Variants in TCF25 observed in about 807,000 individuals in gnomAD.
TCF25 encodes ribosome quality control complex subunit TCF25.
Under a neutral mutation model 83.1 loss-of-function variants are expected in TCF25, and 41 were observed. That is an observed-to-expected ratio of 0.49 (90% CI 0.38 to 0.64). The LOEUF is 0.64. Ranked by LOEUF, TCF25 falls within the 30% of genes least tolerant of loss-of-function variation. The pLI is 0.00. For synonymous variants in TCF25, 458 were observed against 365.0 expected, an observed-to-expected ratio of 1.25 and a Z score of -2.90; for missense variants, 979 against 914.5, an observed-to-expected ratio of 1.07 and a Z score of -0.91.
chr16:89,887,530 A>G (rs2043109871), intron 4 of TCF25, 122 bp from the exon 5 acceptor site: 2 of 853,576 alleles, frequency 2.3e-6, no homozygotes, highest in Middle Eastern at 3.2e-4. Context: ...AAAGGCCTGG[A>G]AGCTGCCTTT....
intron 7 of TCF25, 85 bp from the exon 8 acceptor site, chr16:89,894,953 T>C: frequency 7.8e-7 from 1 of 1,288,712 alleles, no homozygotes; most frequent in Non-Finnish European, 1.1e-6. Context: ...CCTCCGCTGG[T>C]TTTAAATGTC....
At chr16:89,905,408 G>C (rs1314328482) in intron 14 of TCF25, among the ~76,000 whole-genome samples, 6 of 152,236 alleles carry the variant, frequency 3.9e-5, no homozygotes, top group African/African-American at 1.4e-4. Context: ...TCTCACAGCA[G>C]CATCTTGGGA....
At chr16:89,892,741 G>A (rs1185298809) in intron 6 of TCF25, among the ~76,000 whole-genome samples, 1 of 152,380 alleles carries the variant, frequency 6.6e-6, no homozygotes, top group East Asian at 1.9e-4. Context: ...GGCATGGAGT[G>A]TTGGGTGCTT....
chr16:89,904,709 T>C lies in TCF25; in HGVS notation c.1470-229T>C, dbSNP rs767636914. The stretch of plus-strand genomic sequence containing the variant: ...CCCTGGGTGCATTTTCACATTTCTG[T>C]GACGTCAGTCCTGCTTCCTAAAGAA... On this transcript the variant is annotated intron_variant, in intron 13 of 17. Coordinates refer to ENST00000263346, the MANE Select transcript of TCF25 (RefSeq NM_014972.3). 6.0e-6 allele frequency: 4 copies of C among 668,914 alleles called. No homozygotes were observed. In the South Asian group the frequency reaches 6.2e-5, roughly 10 times the overall value. 41.4% of individuals were successfully genotyped at this position (668,914 alleles called of 1,614,324 possible). A position where few individuals can be genotyped will look rare whatever the true frequency, so the allele number is the denominator to read the frequency against.
intron 1 of TCF25, among the ~76,000 whole-genome samples, chr16:89,876,486 A>G (rs1045435838): frequency 1.3e-5 from 2 of 151,924 alleles, no homozygotes; most frequent in Non-Finnish European, 2.9e-5. Flanking sequence ...TTGGTCTTAA[A>G]CTCCTGGGCT....
chr16:89,906,026 G>T, intron 14 of TCF25, 168 bp from the exon 15 acceptor site: 1 of 634,026 alleles, frequency 1.6e-6, no homozygotes, highest in East Asian at 2.8e-5. Context: ...GCAGGCCAGG[G>T]ACCAGCCATG....
chr16:89,908,871 G>A, intron 16 of TCF25: 1 of 1,214,378 alleles, frequency 8.2e-7, no homozygotes, highest in Non-Finnish European at 1.1e-6. Context: ...CAGCTCTGAG[G>A]TCAGGGCTTT....
chr16:89,883,291 T>G (rs1477481706), intron 1 of TCF25, 60 bp from the exon 2 acceptor site: 15 of 1,583,526 alleles, frequency 9.5e-6, no homozygotes, highest in Non-Finnish European at 1.3e-5. Flanking sequence ...TATTCATATC[T>G]CAGCATGAGC....
intron 1 of TCF25, among the ~76,000 whole-genome samples, chr16:89,876,365 C>T (rs1028866229): frequency 1.3e-5 from 2 of 152,142 alleles, no homozygotes; most frequent in Non-Finnish European, 2.9e-5. Context: ...CAGTAAACAG[C>T]CAGTTACGAC....
chr16:89,907,366 C>A (rs1214141750), intron 16 of TCF25, 44 bp downstream of exon 16: 6 of 1,269,998 alleles, frequency 4.7e-6, no homozygotes, highest in East Asian at 5.2e-5. Context: ...TCCCACCTCC[C>A]TCCTCCCAGT....
At chr16:89,898,687 C>T (rs372686578) in intron 10 of TCF25, 38 bp downstream of exon 10, 5 of 1,611,862 alleles carry the variant, frequency 3.1e-6, no homozygotes, top group African/African-American at 1.3e-5. Flanking sequence ...TCCACGCTCC[C>T]TGTCCTGGCT....
intron 1 of TCF25, among the ~76,000 whole-genome samples, chr16:89,880,374 A>G (rs555118131): frequency 2.6e-5 from 4 of 152,380 alleles, no homozygotes; most frequent in African/African-American, 9.6e-5. Flanking sequence ...ACCTGAGGTC[A>G]GGAGTTCGAG....
chr16:89,904,524 G>T (rs1389521962), intron 13 of TCF25: 2 of 498,570 alleles, frequency 4.0e-6, no homozygotes, highest in Non-Finnish European at 7.4e-6. Context: ...AAGGTACAGT[G>T]AGCTGTGTTT....
intron 2 of TCF25, chr16:89,883,758 A>ACACGTGTGTCCCTCCTAGCCAACCGCG (rs1482683891): frequency 3.3e-5 from 15 of 460,304 alleles, no homozygotes; most frequent in South Asian, 2.5e-4. Context: ...ATGTAACCGC[A>ACACGTGTGTCCCTCCTAGCCAACCGCG]CACGTGTGTC....
chr16:89,877,663 A>C (rs1007975950), intron 1 of TCF25, among the ~76,000 whole-genome samples: 1 of 152,220 alleles, frequency 6.6e-6, no homozygotes, highest in African/African-American at 2.4e-5. Flanking sequence ...CACAGAATAG[A>C]GTATGGACAC....
intron 4 of TCF25, among the ~76,000 whole-genome samples, chr16:89,886,544 C>T (rs1373166036): frequency 6.6e-6 from 1 of 152,110 alleles, no homozygotes; most frequent in Non-Finnish European, 1.5e-5. Flanking sequence ...GGGCAGATCA[C>T]CTGAGGTCAG....
At chr16:89,904,900 G>A (rs572655709) in intron 13 of TCF25, 38 bp from the exon 14 acceptor site, 5 of 1,584,048 alleles carry the variant, frequency 3.2e-6, no homozygotes, top group Admixed American at 3.6e-5. Context: ...GCTGTGGTCT[G>A]AAGAGGGGTT....
intron 14 of TCF25, among the ~76,000 whole-genome samples, chr16:89,905,844 G>A (rs562898879): frequency 6.6e-6 from 1 of 152,356 alleles, no homozygotes; most frequent in African/African-American, 2.4e-5. Context: ...GCCTGTGCCT[G>A]TAGCCGTAGC....
chr16:89,895,058 T>A lies in TCF25; in HGVS notation c.849T>A (p.Pro283=), dbSNP rs778438499. The change falls in exon 8 of 18, where the codon CCT becomes CCA. Residue 283 remains proline, a synonymous_variant. Transcript: ENST00000263346. ...NNIVVLLQTS[P]YHVDSLLQLS... is the part of the protein sequence containing the mutation. ...GGTAGGTTCTGCTCCAGACGAGCCC[T>A]TACCACGTTGACTCACTCCTGCAGC... 7 of 1,613,226 alleles carry A rather than the reference T, an allele frequency of 4.3e-6. No individual in the cohort carries two copies. The Admixed American group carries it at 1.2e-4, about 27-fold the overall frequency.
Sources: allele counts gnomAD v4.1 joint callset (sites outside exome capture counted in the v4.1 genomes callset), GRCh38; gene constraint gnomAD v4.1.1; transcripts MANE v1.5; gene names NCBI Gene and HGNC (gene_info 2026-07-23, HGNC 2026-07-21).